The following PRELID2 variants were observed in gnomAD, a reference collection of about 807,000 sequenced individuals.
The protein encoded by PRELID2 is PRELI domain-containing protein 2.
PRELID2 carries 25 observed loss-of-function variants against 28.4 expected under a neutral mutation model. That is an observed-to-expected ratio of 0.88 (90% CI 0.64 to 1.23). PRELID2 has a LOEUF of 1.23. PRELID2 is among the 50% of genes most tolerant of loss of function. The pLI is 0.00. For missense variants in PRELID2, 201 were observed against 214.4 expected (o/e 0.94, Z 0.39); for synonymous variants, 76 against 71.6 (o/e 1.06, Z -0.31).
the PRELID2 span, among the ~76,000 whole-genome samples, chr5:145,437,496 T>G: frequency 6.6e-6 from 1 of 152,174 alleles, no homozygotes; most frequent in African/African-American, 2.4e-5. Context: ...TATATTAACC[T>G]TCTCTAAAAT....
chr5:145,783,435 T>C (rs1305619497), intron 5 of PRELID2, among the ~76,000 whole-genome samples: 1 of 152,220 alleles, frequency 6.6e-6, no homozygotes, highest in East Asian at 1.9e-4. Context: ...GAGGTAATAG[T>C]AGTAGCAGGG....
At chr5:145,796,867 A>G (rs1752790592) in intron 4 of PRELID2, among the ~76,000 whole-genome samples, 1 of 152,144 alleles carries the variant, frequency 6.6e-6, no homozygotes, top group East Asian at 1.9e-4. Context: ...CACATGTAAA[A>G]TGGGAACGAC....
chr5:145,608,096 A>G (rs1425689130), intron 1 of PRELID2, among the ~76,000 whole-genome samples: 3 of 149,674 alleles, frequency 2.0e-5, no homozygotes, highest in Admixed American at 6.6e-5. Flanking sequence ...CTGTTTCCCA[A>G]TTGCTTGGTA....
intron 1 of PRELID2, among the ~76,000 whole-genome samples, chr5:145,740,313 TATATATAA>T (rs1226283138): frequency 4.1e-4 from 39 of 95,790 alleles, no homozygotes; most frequent in African/African-American, 1.5e-3. Context: ...TATATATATA[TATATATAA>T]ATCCTAAATG....
chr5:145,259,894 A>G, the PRELID2 span, among the ~76,000 whole-genome samples: 2 of 152,248 alleles, frequency 1.3e-5, no homozygotes, highest in East Asian at 3.9e-4. Flanking sequence ...CACTGCCCAA[A>G]TCTCATGTTG....
intron 1 of PRELID2, among the ~76,000 whole-genome samples, chr5:145,571,312 A>G (rs1241291935): frequency 6.6e-6 from 1 of 152,274 alleles, no homozygotes; most frequent in Non-Finnish European, 1.5e-5. Flanking sequence ...CTGAAAAATG[A>G]GTTCAGGCTA....
chr5:145,238,306 G>T, the PRELID2 span, among the ~76,000 whole-genome samples: 1 of 152,222 alleles, frequency 6.6e-6, no homozygotes, highest in East Asian at 1.9e-4. Flanking sequence ...ACAGTAGTTT[G>T]CTCAACAAAT....
intron 1 of PRELID2, among the ~76,000 whole-genome samples, chr5:145,553,692 T>C (rs1352262868): frequency 6.6e-6 from 1 of 152,188 alleles, no homozygotes; most frequent in African/African-American, 2.4e-5. Flanking sequence ...TATAATGTAG[T>C]TTTATATAAT....
chr5:145,254,357 A>T, the PRELID2 span, among the ~76,000 whole-genome samples: 1 of 152,108 alleles, frequency 6.6e-6, no homozygotes, highest in East Asian at 1.9e-4. Context: ...TGAGGGATTT[A>T]AAAAAACAAA....
chr5:145,812,294 G>T (rs996231281), intron 4 of PRELID2, among the ~76,000 whole-genome samples: 4 of 151,934 alleles, frequency 2.6e-5, no homozygotes, highest in African/African-American at 9.7e-5. Context: ...TACAGAGAAA[G>T]GTAGAGCCAA....
At chr5:145,682,566 G>T (rs1037692414) in intron 1 of PRELID2, among the ~76,000 whole-genome samples, 2 of 152,114 alleles carry the variant, frequency 1.3e-5, no homozygotes, top group South Asian at 2.1e-4. Flanking sequence ...AGCCACCAAG[G>T]GTGCACCCAG....
At position 145,741,621 on chromosome 5, in the gene PRELID2, AATAATTTATTT is replaced by A. The variant is rs1451375841; in HGVS notation, n.70+23299_70+23309del. On this transcript the variant is annotated intron_variant and non_coding_transcript_variant, in intron 1 of 2. Coordinates refer to the PRELID2 transcript ENST00000510259. ...TTTATTTATAATTTATTTATATATA[AATAATTTATTT>A]ATAATTTATTTATATATAAATAATT... Among the ~76,000 whole-genome samples the A allele has an allele frequency of 1.2e-4, 2 of 16,888 alleles. 1 individual carries two copies. The highest frequency in any genetic ancestry group is 1.6e-3 in the Admixed American group (2 of 1,224). 11.1% of individuals were successfully genotyped at this position (16,888 alleles called of 152,430 possible).
chr5:145,251,947 G>T, the PRELID2 span, among the ~76,000 whole-genome samples: 1 of 151,992 alleles, frequency 6.6e-6, no homozygotes, highest in African/African-American at 2.4e-5. Context: ...CAACTTTTCT[G>T]GTGTTTGACC....
chr5:145,725,623 A>C (rs899364046), intron 1 of PRELID2, among the ~76,000 whole-genome samples: 5 of 152,208 alleles, frequency 3.3e-5, no homozygotes, highest in African/African-American at 1.2e-4. Context: ...GAAAACTACT[A>C]GAGAGTACTA....
chr5:145,253,569 G>C, the PRELID2 span, among the ~76,000 whole-genome samples: 1 of 151,936 alleles, frequency 6.6e-6, no homozygotes, highest in Non-Finnish European at 1.5e-5. Context: ...AAGAATCCCT[G>C]CAAGTCATGG....
At chr5:145,365,703 T>C in the PRELID2 span, among the ~76,000 whole-genome samples, 2 of 151,844 alleles carry the variant, frequency 1.3e-5, no homozygotes, top group Admixed American at 6.6e-5. Flanking sequence ...ATAAATAATG[T>C]GCCTCCCTCA....
At chr5:145,334,771 G>GTT in the PRELID2 span, among the ~76,000 whole-genome samples, 104 of 134,992 alleles carry the variant, frequency 7.7e-4, no homozygotes, top group Middle Eastern at 7.8e-3. Context: ...TTGTTTGTCA[G>GTT]TTTTTTTTTT....
At chr5:145,787,009 G>A (rs566660901) in intron 5 of PRELID2, among the ~76,000 whole-genome samples, 5 of 152,232 alleles carry the variant, frequency 3.3e-5, no homozygotes, top group African/African-American at 7.2e-5. Context: ...GAATTCAATC[G>A]TTCTCTGCTT....
chr5:145,615,314 GTC>G (rs2149647835), intron 1 of PRELID2, among the ~76,000 whole-genome samples: 1 of 131,738 alleles, frequency 7.6e-6, no homozygotes, highest in Non-Finnish European at 1.5e-5. Flanking sequence ...TGTTATGTGA[GTC>G]TCTTTTTTTT....
Sources: allele counts gnomAD v4.1 joint callset (sites outside exome capture counted in the v4.1 genomes callset), GRCh38; gene constraint gnomAD v4.1.1; transcripts MANE v1.5; gene names NCBI Gene and HGNC (gene_info 2026-07-23, HGNC 2026-07-21).